The following CCDC186 variants were observed in gnomAD, a reference collection of about 807,000 sequenced individuals.
CCDC186 encodes coiled-coil domain-containing protein 186.
CCDC186 carries 49 observed loss-of-function variants against 113.7 expected under a neutral mutation model. The ratio of observed to expected loss-of-function variants is 0.43; its 90% CI spans 0.34 to 0.55. CCDC186 has a LOEUF of 0.55. Ranked by LOEUF, CCDC186 falls within the 20% of genes least tolerant of loss-of-function variation. CCDC186 has a pLI of 0.02. For synonymous variants in CCDC186, 355 were observed against 345.8 expected (o/e 1.03, Z -0.30); for missense variants, 890 against 1,011.1 (o/e 0.88, Z 1.62).
chr10:114,134,555 G>A (rs1200404371), intron 10 of CCDC186, among the ~76,000 whole-genome samples: 9 of 152,100 alleles, frequency 5.9e-5, no homozygotes, highest in Non-Finnish European at 1.2e-4. Context: ...TGTCAGCTCC[G>A]GATCTTAAGC....
In CCDC186 at chr10:114,145,729, T is replaced by C. The variant is rs759582772; in HGVS notation, c.921A>G (p.Glu307=). The C allele has an allele frequency of 1.2e-6, 2 of 1,600,698 alleles. No individual in the cohort carries two copies. The highest frequency in any genetic ancestry group is 1.7e-6 in the Non-Finnish European group (2 of 1,176,902). The stretch of plus-strand genomic sequence containing the variant: ...CATATTTCATTACCATTGCTTCTTT[T>C]TCTTGGCGTGCCTCTTCACATTTCT... ...ANKKCEEARQ[E]KEAMVMKYVR... Residue 307 remains glutamate (E), a synonymous_variant, in exon 5 of 16, where the codon GAA becomes GAG. Coordinates refer to ENST00000369287, the MANE Select transcript of CCDC186 (RefSeq NM_018017.4).
intron 1 of CCDC186, among the ~76,000 whole-genome samples, chr10:114,167,819 A>T (rs1363920077): frequency 2.7e-5 from 4 of 150,696 alleles, no homozygotes; most frequent in Admixed American, 1.3e-4. Context: ...AAAAAAAAAA[A>T]AAAAAAAATT....
At chr10:114,166,986 C>CA (rs1367294090) in intron 1 of CCDC186, among the ~76,000 whole-genome samples, 1 of 147,882 alleles carries the variant, frequency 6.8e-6, no homozygotes, top group African/African-American at 2.5e-5. Context: ...TGTAAATTGG[C>CA]ATGTGATAAC....
chr10:114,169,666 A>G (rs1203089933), intron 1 of CCDC186, among the ~76,000 whole-genome samples: 2 of 152,226 alleles, frequency 1.3e-5, no homozygotes, highest in African/African-American at 2.4e-5. Context: ...AAAAGTACCT[A>G]CATCAAAAGA....
At chr10:114,148,993 T>C (rs143493912) in intron 4 of CCDC186, among the ~76,000 whole-genome samples, 1 of 152,312 alleles carries the variant, frequency 6.6e-6, no homozygotes, top group African/African-American at 2.4e-5. Flanking sequence ...GATAAACAAG[T>C]GTTCATTTTA....
At position 114,151,170 on chromosome 10, in the gene CCDC186, A is replaced by G. The variant is rs999705322; in HGVS notation, c.810T>C (p.Asp270=). ...ELNKEVKASR[D]QLIAQDVTAK... ...CTGTAACGTCTTGAGCTATTAGTTGATCTCTGGAAGCTTTAACTTCTTTAT... is the reference window on the plus strand; with the variant it reads ...CTGTAACGTCTTGAGCTATTAGTTGGTCTCTGGAAGCTTTAACTTCTTTAT... Residue 270 remains aspartate (D), a synonymous_variant, in exon 4 of 16, where the codon GAT becomes GAC. Transcript: ENST00000369287. 1.9e-6 allele frequency: 3 copies of G among 1,607,720 alleles called. No individual in the cohort carries two copies. The highest frequency in any genetic ancestry group is 2.2e-5 in the East Asian group (1 of 44,820).
chr10:114,136,283 TAACCCA>T, intron 7 of CCDC186, 37 bp from the exon 8 acceptor site: 2 of 1,501,582 alleles, frequency 1.3e-6, no homozygotes, highest in Non-Finnish European at 1.8e-6. Context: ...TGACAATTTT[TAACCCA>T]TTTCCCGTTT....
intron 1 of CCDC186, among the ~76,000 whole-genome samples, chr10:114,169,141 A>C (rs1234546101): frequency 6.6e-6 from 1 of 152,126 alleles, no homozygotes. Context: ...TCAGAAGCTA[A>C]GTAAGAAATG....
intron 3 of CCDC186, among the ~76,000 whole-genome samples, chr10:114,151,485 C>A (rs1219644417): frequency 6.6e-6 from 1 of 152,214 alleles, no homozygotes; most frequent in Admixed American, 6.5e-5. Flanking sequence ...CCCGCCTTAT[C>A]TGTGGCTTCA....
intron 4 of CCDC186, among the ~76,000 whole-genome samples, chr10:114,148,373 G>A (rs902498765): frequency 2.6e-5 from 4 of 152,092 alleles, no homozygotes; most frequent in South Asian, 2.1e-4. Context: ...TATTATAGAA[G>A]GTCCATTTAT....
Position 114,137,259 on chromosome 10 carries a change from G to C in CCDC186, c.1253C>G (p.Thr418Arg). Residue 418 changes from threonine to arginine, a missense_variant, in exon 7 of 16, where the codon ACA becomes AGA. Coordinates refer to ENST00000369287, the MANE Select transcript of CCDC186 (RefSeq NM_018017.4). ...TTCTTCCTTTGCTTGTGTTAATTTT[G>C]TTGTTGTTTCTTTGAGTTTATCTTT... ...ETKDKLKETT[T>R]KLTQAKEEAD... The C allele has an allele frequency of 6.2e-7, 1 of 1,613,462 alleles. No homozygotes were observed. Among genetic ancestry groups the C allele is most frequent in the Non-Finnish European group, 8.5e-7 (1 of 1,179,890 alleles).
At chr10:114,154,869 A>G (rs927192262) in intron 3 of CCDC186, among the ~76,000 whole-genome samples, 2 of 152,220 alleles carry the variant, frequency 1.3e-5, no homozygotes, top group African/African-American at 4.8e-5. Flanking sequence ...AAAACATCAA[A>G]TATCTATATA....
At chr10:114,173,287 A>G (rs1268975221) in intron 1 of CCDC186, 3 of 450,150 alleles carry the variant, frequency 6.7e-6, no homozygotes, top group Admixed American at 4.8e-5. Flanking sequence ...CAAGATGGGA[A>G]TATTAGGTGA....
intron 2 of CCDC186, among the ~76,000 whole-genome samples, chr10:114,160,887 T>C (rs1343876305): frequency 6.6e-6 from 1 of 152,224 alleles, no homozygotes; most frequent in Non-Finnish European, 1.5e-5. Context: ...TTAACCTTGA[T>C]TTAAAATAAC....
At chr10:114,131,537 A>G (rs1236281116) in intron 11 of CCDC186, among the ~76,000 whole-genome samples, 1 of 152,154 alleles carries the variant, frequency 6.6e-6, no homozygotes, top group African/African-American at 2.4e-5. Context: ...ATGTCATTCT[A>G]TACATACCAA....
chr10:114,138,201 C>T (rs1230830742), intron 6 of CCDC186, among the ~76,000 whole-genome samples: 1 of 150,442 alleles, frequency 6.6e-6, no homozygotes, highest in Non-Finnish European at 1.5e-5. Flanking sequence ...GACTGCACCA[C>T]TGCACTCCAG....
At chr10:114,138,688 C>T (rs977005268) in intron 6 of CCDC186, among the ~76,000 whole-genome samples, 40 of 152,220 alleles carry the variant, frequency 2.6e-4, no homozygotes, top group Non-Finnish European at 4.3e-4. Flanking sequence ...TTACTTGCTC[C>T]GGTTCTGATC....
At chr10:114,148,660 G>A (rs1032390056) in intron 4 of CCDC186, among the ~76,000 whole-genome samples, 4 of 152,162 alleles carry the variant, frequency 2.6e-5, no homozygotes, top group African/African-American at 9.7e-5. Context: ...AATTTCCAGG[G>A]CTAAAAGATC....
intron 4 of CCDC186, among the ~76,000 whole-genome samples, chr10:114,149,716 G>T (rs1455879212): frequency 7.0e-6 from 1 of 142,626 alleles, no homozygotes; most frequent in Admixed American, 7.1e-5. Context: ...AGGAAAGGGA[G>T]GAAGGGAGGA....
Sources: gnomAD v4.1 joint callset for allele counts (sites outside exome capture counted in the v4.1 genomes callset) on GRCh38, gnomAD v4.1.1 for gene constraint, MANE v1.5 for transcripts, NCBI Gene and HGNC (gene_info 2026-07-23, HGNC 2026-07-21) for gene names.